Variants in SND1 observed in about 807,000 individuals in gnomAD.
SND1 encodes staphylococcal nuclease domain-containing protein 1.
Under a neutral mutation model 121.7 loss-of-function variants are expected in SND1, and 38 were observed. The ratio of observed to expected loss-of-function variants is 0.31; its 90% CI spans 0.24 to 0.41. The LOEUF (loss-of-function observed/expected upper bound fraction) is 0.41. Among genes scored for constraint, SND1 ranks in the 10% least tolerant of loss-of-function variants. The pLI is 1.00. For synonymous variants in SND1, 401 were observed against 447.4 expected (o/e 0.90, Z 1.31); for missense variants, 868 against 1,184.6 (o/e 0.73, Z 3.92).
intron 14 of SND1, among the ~76,000 whole-genome samples, chr7:127,923,720 T>C (rs1800766526): frequency 1.3e-5 from 2 of 152,162 alleles, no homozygotes; most frequent in South Asian, 4.1e-4. Context: ...TTGTGATTTG[T>C]CTTCCATATA....
intron 15 of SND1, among the ~76,000 whole-genome samples, chr7:127,969,244 A>C (rs1801923408): frequency 6.6e-6 from 1 of 152,054 alleles, no homozygotes; most frequent in African/African-American, 2.4e-5. Context: ...CTGGGAAGGG[A>C]GGAAGGTATA....
intron 15 of SND1, among the ~76,000 whole-genome samples, chr7:127,957,438 A>G (rs1801620625): frequency 6.6e-6 from 1 of 152,142 alleles, no homozygotes; most frequent in Non-Finnish European, 1.5e-5. Flanking sequence ...CTGCTTCCAC[A>G]ACTGCCATCC....
intron 14 of SND1, 49 bp from the exon 15 acceptor site, chr7:127,929,138 CG>C: frequency 6.3e-7 from 1 of 1,588,884 alleles, no homozygotes; most frequent in African/African-American, 1.3e-5. Flanking sequence ...AAGAAAGAAA[CG>C]TTGGGTTTTA....
rs570785036 is a variant in SND1, at chr7:128,010,281, A to G, written c.1779+19225A>G. On this transcript the variant is annotated intron_variant, in intron 16 of 23. Transcript: ENST00000354725. ...CACTACACCTGTAATCAGAAATCCC[A>G]TGTTTAAGTCCTGACTCTTCCATTT... Among the ~76,000 whole-genome samples the G allele has an allele frequency of 9.2e-5, 14 of 152,358 alleles. No homozygotes were observed. The East Asian group carries it at 1.3e-3, about 15-fold the overall frequency.
chr7:127,743,535 C>G (rs1376708838), intron 10 of SND1, among the ~76,000 whole-genome samples: 1 of 152,188 alleles, frequency 6.6e-6, no homozygotes, highest in East Asian at 1.9e-4. Context: ...TCTCTTCCCT[C>G]CTCTGTCCTC....
intron 1 of SND1, among the ~76,000 whole-genome samples, chr7:127,658,464 A>G (rs1795250152): frequency 6.6e-6 from 1 of 152,242 alleles, no homozygotes; most frequent in South Asian, 2.1e-4. Context: ...AAAAACATGG[A>G]TTAAAAAAGA....
In SND1 at chr7:127,678,551, G is replaced by A. The variant is rs1294194809; in HGVS notation, c.79-8062G>A. 2.3e-5 allele frequency among the ~76,000 whole-genome samples: 3 copies of A among 133,024 alleles called. No individual in the cohort carries two copies. The Admixed American group carries it at 2.4e-4, about 11-fold the overall frequency. The allele number at this position is 133,024 out of a possible 152,430, so 87.3% of individuals were successfully genotyped here. A position where few individuals can be genotyped will look rare whatever the true frequency, so the allele number is the denominator to read the frequency against. On this transcript the variant is annotated intron_variant, in intron 1 of 23. Transcript: ENST00000354725. ...TAATTTAGGTTTGCCTCTTGTTCTT[G>A]CCAGGAAAAAAACCAAAAAGCAATA...
At position 128,092,501 on chromosome 7, in the gene SND1, C is replaced by G. The variant is rs533449020; in HGVS notation, c.*443C>G. 2.2e-5 allele frequency: 4 copies of G among 184,256 alleles called. No individual in the cohort carries two copies. In the South Asian group the frequency reaches 5.2e-4, roughly 24 times the overall value. 11.4% of individuals were successfully genotyped at this position (184,256 alleles called of 1,614,324 possible). A position where few individuals can be genotyped will look rare whatever the true frequency, so the allele number is the denominator to read the frequency against. ...ATGTGATTTTTCTGATACGTCCATTCTCAAATGCCAGTGTGTTCACATCTT... is the reference window on the plus strand; with the variant it reads ...ATGTGATTTTTCTGATACGTCCATTGTCAAATGCCAGTGTGTTCACATCTT... On this transcript the variant is annotated 3_prime_UTR_variant, in exon 24 of 24. Transcript: ENST00000354725. This position sits in a 1 kb window ranked among gnomAD's most constrained non-coding sequence, Gnocchi z 4.9.
intron 11 of SND1, among the ~76,000 whole-genome samples, chr7:127,824,003 C>T (rs1016475602): frequency 2.0e-5 from 3 of 152,156 alleles, no homozygotes; most frequent in East Asian, 3.9e-4. Flanking sequence ...GAAGGATTTG[C>T]GCTGGTATTA....
At chr7:128,043,644 G>C (rs1792894801) in intron 16 of SND1, among the ~76,000 whole-genome samples, 1 of 150,982 alleles carries the variant, frequency 6.6e-6, no homozygotes, top group Non-Finnish European at 1.5e-5. Flanking sequence ...TGACAGGCCT[G>C]GTCTCCTATC....
rs1209671206 is a variant in SND1, at chr7:127,838,935, G to C, written c.1243-5389G>C. On this transcript the variant is annotated intron_variant, in intron 11 of 23. Coordinates refer to ENST00000354725, the MANE Select transcript of SND1 (RefSeq NM_014390.4). ...TTAGATAGAACGTACAATGATTCAA[G>C]CACTGTTCTAAATGATACATATGTA... Among the ~76,000 whole-genome samples, 3 of 152,152 alleles carry C rather than the reference G, an allele frequency of 2.0e-5. No individual in the cohort carries two copies. The South Asian group carries it at 6.2e-4, about 31-fold the overall frequency.
intron 11 of SND1, among the ~76,000 whole-genome samples, chr7:127,814,686 G>A (rs1584592809): frequency 6.6e-6 from 1 of 152,008 alleles, no homozygotes; most frequent in African/African-American, 2.4e-5. Flanking sequence ...AGTCCAATTG[G>A]AAAGCACCAA....
intron 14 of SND1, among the ~76,000 whole-genome samples, chr7:127,923,728 A>G (rs891914335): frequency 1.3e-5 from 2 of 152,206 alleles, no homozygotes; most frequent in South Asian, 2.1e-4. Context: ...TGTCTTCCAT[A>G]TAGCCACAAA....
At chr7:127,675,000 A>T (rs1292621826) in intron 1 of SND1, among the ~76,000 whole-genome samples, 2 of 152,258 alleles carry the variant, frequency 1.3e-5, no homozygotes, top group Non-Finnish European at 2.9e-5. Context: ...CAGGAGTTTG[A>T]GACCAGTCTG....
chr7:127,963,146 G>A (rs1214961771), intron 15 of SND1, among the ~76,000 whole-genome samples: 1 of 152,086 alleles, frequency 6.6e-6, no homozygotes, highest in East Asian at 1.9e-4. Flanking sequence ...TCTAAGCTGT[G>A]TGAAAATGCA....
At chr7:128,030,149 A>C in intron 16 of SND1, 3 of 1,614,170 alleles carry the variant, frequency 1.9e-6, no homozygotes, top group Non-Finnish European at 2.5e-6. Flanking sequence ...TGAAGGCGTA[A>C]GAGGGGATGC....
chr7:127,688,950 T>G (rs1448329994), intron 2 of SND1, among the ~76,000 whole-genome samples: 1 of 152,172 alleles, frequency 6.6e-6, no homozygotes, highest in Non-Finnish European at 1.5e-5. Flanking sequence ...AATTAAGAAG[T>G]TAGTGAAGCA....
At chr7:127,959,987 C>T (rs1338803923) in intron 15 of SND1, among the ~76,000 whole-genome samples, 1 of 152,174 alleles carries the variant, frequency 6.6e-6, no homozygotes, top group Non-Finnish European at 1.5e-5. Context: ...CCTCTGGTTC[C>T]CCTGTTGCCT....
At chr7:128,020,201 G>C (rs1354856474) in intron 16 of SND1, among the ~76,000 whole-genome samples, 1 of 152,224 alleles carries the variant, frequency 6.6e-6, no homozygotes, top group Non-Finnish European at 1.5e-5. Flanking sequence ...CTTCCTGTTT[G>C]AATGAAATCA....
Sources: allele counts gnomAD v4.1 joint callset (sites outside exome capture counted in the v4.1 genomes callset), GRCh38; gene constraint gnomAD v4.1.1; non-coding constraint Gnocchi (gnomAD v3.1); transcripts MANE v1.5; gene names NCBI Gene and HGNC (gene_info 2026-07-23, HGNC 2026-07-21).